SORCS2: variants seen among roughly 807,000 people sequenced by gnomAD.
SORCS2 encodes the protein VPS10 domain-containing receptor SorCS2.
A neutral mutation model predicts 141.6 loss-of-function variants in SORCS2; 100 were observed. That is an observed-to-expected ratio of 0.71 (90% CI 0.60 to 0.83). The LOEUF is 0.83. Ranked by LOEUF, SORCS2 falls within the 40% of genes least tolerant of loss-of-function variation. The pLI, the probability that SORCS2 is intolerant of heterozygous loss-of-function variation, is 0.00. For synonymous variants in SORCS2, 789 were observed against 676.9 expected (o/e 1.17, Z -2.57); for missense variants, 1,646 against 1,560.2 (o/e 1.05, Z -0.93).
rs778702453 is a variant in SORCS2, at chr4:7,682,787, T to C, written c.1386T>C (p.Asp462=). ...KGVFLANQKI[D]GKVMTLITYN... ...TCTTCCTGGCAAACCAAAAAATTGA[T>C]GGGAAAGTGATGACGCTTATAACCT... Residue 462 remains aspartate (D), a synonymous_variant, in exon 10 of 27, where the codon GAT becomes GAC. Transcript: ENST00000507866. 1.2e-6 allele frequency: 2 copies of C among 1,612,378 alleles called. No individual in the cohort carries two copies. The highest frequency in any genetic ancestry group is 2.2e-5 in the South Asian group (2 of 90,632).
At chr4:7,319,388 A>T (rs60460975) in intron 1 of SORCS2, among the ~76,000 whole-genome samples, 1 of 152,090 alleles carries the variant, frequency 6.6e-6, no homozygotes, top group East Asian at 1.9e-4. Flanking sequence ...GTCTCGTCTG[A>T]CTTACATGGC....
At chr4:7,459,045 A>C (rs572539253) in intron 2 of SORCS2, among the ~76,000 whole-genome samples, 11 of 152,094 alleles carry the variant, frequency 7.2e-5, no homozygotes, top group African/African-American at 2.7e-4. Context: ...GGCGCGTGGC[A>C]AAGGCCACGT....
intron 3 of SORCS2, among the ~76,000 whole-genome samples, chr4:7,624,693 C>G (rs1719411576): frequency 6.6e-6 from 1 of 152,372 alleles, no homozygotes; most frequent in Non-Finnish European, 1.5e-5. Context: ...TCCAACCGTA[C>G]ATAGTTAATG....
At chr4:7,260,129 C>CA (rs1714219536) in intron 1 of SORCS2, among the ~76,000 whole-genome samples, 1 of 152,206 alleles carries the variant, frequency 6.6e-6, no homozygotes, top group Non-Finnish European at 1.5e-5. Flanking sequence ...ACTCGGCAGC[C>CA]AAGTGAGAAC....
In SORCS2 at chr4:7,648,070, T is replaced by A. The variant is rs1299417513; in HGVS notation, c.814-6064T>A. On this transcript the variant is annotated intron_variant, in intron 4 of 26. Transcript: ENST00000507866. The surrounding 1 kb of genome is among the most constrained non-coding windows in gnomAD (Gnocchi z 4.2). ...TGGGGTGGCCTGAGATGGAATGGGG[T>A]GCCGGCCCCTGAGGGCTCTGCTTAC... 6.6e-6 allele frequency among the ~76,000 whole-genome samples: 1 copy of A among 151,364 alleles called. No individual in the cohort carries two copies. The highest frequency in any genetic ancestry group is 6.6e-5 in the Admixed American group (1 of 15,184).
intron 1 of SORCS2, among the ~76,000 whole-genome samples, chr4:7,194,234 C>T (rs944610522): frequency 2.0e-5 from 3 of 152,106 alleles, no homozygotes; most frequent in Admixed American, 6.5e-5. Flanking sequence ...GACCTCTTCT[C>T]GCTTCCCAAA....
At chr4:7,600,204 G>T (rs1717565381) in intron 3 of SORCS2, among the ~76,000 whole-genome samples, 1 of 152,158 alleles carries the variant, frequency 6.6e-6, no homozygotes, top group South Asian at 2.1e-4. Flanking sequence ...TTGATCAAAG[G>T]TGGAACCAGC....
chr4:7,686,748 A>G (rs1723903938), intron 10 of SORCS2, among the ~76,000 whole-genome samples: 1 of 151,990 alleles, frequency 6.6e-6, no homozygotes, highest in African/African-American at 2.4e-5. Context: ...CCTTCTTTTC[A>G]CCTGGTGTCC....
intron 9 of SORCS2, among the ~76,000 whole-genome samples, chr4:7,676,849 T>C (rs114719646): frequency 0.12 from 4,529 of 38,300 alleles, 529 homozygotes; most frequent in Non-Finnish European, 0.13. Flanking sequence ...ACCCCAGCCC[T>C]GTCATCTCCT....
chr4:7,497,003 C>T (rs1018849964), intron 2 of SORCS2, among the ~76,000 whole-genome samples: 4 of 152,200 alleles, frequency 2.6e-5, no homozygotes, highest in Non-Finnish European at 4.4e-5. Flanking sequence ...GGTGCTCTTG[C>T]GCTGACACAC....
chr4:7,330,834 C>T (rs982112816), intron 1 of SORCS2, among the ~76,000 whole-genome samples: 1 of 150,734 alleles, frequency 6.6e-6, no homozygotes, highest in African/African-American at 2.5e-5. Flanking sequence ...CCTAGGCACA[C>T]CCCCAACACC....
chr4:7,496,349 G>A (rs1731614264), intron 2 of SORCS2, among the ~76,000 whole-genome samples: 1 of 151,976 alleles, frequency 6.6e-6, no homozygotes, highest in Non-Finnish European at 1.5e-5. Flanking sequence ...TCGCGCCTGG[G>A]TCTGACTCCA....
chr4:7,317,417 T>A (rs1306811279), intron 1 of SORCS2, among the ~76,000 whole-genome samples: 2 of 152,210 alleles, frequency 1.3e-5, no homozygotes, highest in Non-Finnish European at 2.9e-5. Context: ...TGGGTCTTGT[T>A]CCATGCCTGG....
chr4:7,685,259 A>C (rs1200345910), intron 10 of SORCS2, among the ~76,000 whole-genome samples: 1 of 152,224 alleles, frequency 6.6e-6, no homozygotes, highest in Non-Finnish European at 1.5e-5. Flanking sequence ...CCTTGAAATA[A>C]TGAAATGGGA....
chr4:7,263,950 A>G (rs530832881), intron 1 of SORCS2, among the ~76,000 whole-genome samples: 10 of 151,408 alleles, frequency 6.6e-5, no homozygotes, highest in African/African-American at 2.4e-4. Context: ...TCACTCACTC[A>G]CTCATTCACT....
intron 9 of SORCS2, among the ~76,000 whole-genome samples, chr4:7,677,070 T>C (rs943799773): frequency 6.6e-6 from 1 of 151,924 alleles, no homozygotes; most frequent in Non-Finnish European, 1.5e-5. Flanking sequence ...ACTTGCTTGC[T>C]CTCGCTCTCT....
intron 3 of SORCS2, among the ~76,000 whole-genome samples, chr4:7,630,037 T>A (rs1431352875): frequency 6.6e-6 from 1 of 152,186 alleles, no homozygotes; most frequent in Admixed American, 6.5e-5. Flanking sequence ...GTCACCAGGT[T>A]ATCTCACTTG....
intron 1 of SORCS2, among the ~76,000 whole-genome samples, chr4:7,268,636 C>A (rs1560152666): frequency 2.6e-5 from 4 of 152,248 alleles, no homozygotes; most frequent in Admixed American, 6.5e-5. Flanking sequence ...GCCTGCAGGG[C>A]TTTGCACACA....
At position 7,391,437 on chromosome 4, in the gene SORCS2, A is replaced by T. The variant is rs533026558; in HGVS notation, c.481-4851A>T. 8.5e-5 allele frequency among the ~76,000 whole-genome samples: 13 copies of T among 152,268 alleles called. No homozygotes were observed. In the East Asian group the frequency reaches 2.1e-3, roughly 25 times the overall value. The stretch of plus-strand genomic sequence containing the variant: ...AGGCAAGTTGGACGGCTCAGCACAG[A>T]GCAGAGGACCCTCCTATGAGCCCAG... On this transcript the variant is annotated intron_variant, in intron 1 of 26. Transcript: ENST00000507866.
Sources: gnomAD v4.1 joint callset for allele counts (sites outside exome capture counted in the v4.1 genomes callset) on GRCh38, gnomAD v4.1.1 for gene constraint, Gnocchi (gnomAD v3.1) non-coding constraint, MANE v1.5 for transcripts, NCBI Gene and HGNC (gene_info 2026-07-23, HGNC 2026-07-21) for gene names.